THRB: variants seen among roughly 807,000 people sequenced by gnomAD.
THRB encodes the protein nuclear receptor subfamily 1 group A member 2.
A neutral mutation model predicts 47.8 loss-of-function variants in THRB; 12 were observed. The ratio of observed to expected loss-of-function variants is 0.25; its 90% CI spans 0.16 to 0.41. The LOEUF is 0.41. THRB is among the 10% of genes least tolerant of loss of function. The probability of loss-of-function intolerance (pLI) is 1.00; values close to 1 mark genes in which losing one functional copy is unlikely to be tolerated. For missense variants in THRB, 348 were observed against 589.2 expected, an observed-to-expected ratio of 0.59 and a Z score of 4.24; for synonymous variants, 218 against 212.2, an observed-to-expected ratio of 1.03 and a Z score of -0.24.
At chr3:24,330,119 C>A (rs1045371984) in intron 2 of THRB, among the ~76,000 whole-genome samples, 2 of 151,884 alleles carry the variant, frequency 1.3e-5, no homozygotes, top group Non-Finnish European at 2.9e-5. Flanking sequence ...TCCTGGCTAA[C>A]AAGGTGAAAC....
chr3:24,270,487 G>C (rs1351199460), intron 3 of THRB, among the ~76,000 whole-genome samples: 1 of 152,168 alleles, frequency 6.6e-6, no homozygotes, highest in Non-Finnish European at 1.5e-5. Flanking sequence ...GCAGGCTTAG[G>C]TGCTAACATT....
At chr3:24,178,029 G>A (rs182129841) in intron 5 of THRB, among the ~76,000 whole-genome samples, 15 of 151,774 alleles carry the variant, frequency 9.9e-5, no homozygotes, top group South Asian at 8.9e-4. Flanking sequence ...ATCATCCTAT[G>A]GGTCCAACCT....
At chr3:24,156,676 C>G (rs984052346) in intron 5 of THRB, among the ~76,000 whole-genome samples, 2 of 152,170 alleles carry the variant, frequency 1.3e-5, no homozygotes, top group African/African-American at 2.4e-5. Flanking sequence ...AACTCAGAGC[C>G]AGTAGGTATC....
chr3:24,194,861 G>T (rs115963375), intron 4 of THRB, among the ~76,000 whole-genome samples: 1 of 152,320 alleles, frequency 6.6e-6, no homozygotes, highest in African/African-American at 2.4e-5. Flanking sequence ...AAAGGAAATA[G>T]GATTATGACA....
chr3:24,137,697 A>G (rs1170957965), intron 8 of THRB, among the ~76,000 whole-genome samples: 1 of 152,170 alleles, frequency 6.6e-6, no homozygotes, highest in Admixed American at 6.5e-5. Flanking sequence ...TAGACCATAG[A>G]AAGGAGATGG....
chr3:24,372,893 T>C (rs534028315), intron 1 of THRB, among the ~76,000 whole-genome samples: 2 of 152,120 alleles, frequency 1.3e-5, no homozygotes, highest in South Asian at 4.1e-4. Context: ...TGAGAAGCAA[T>C]ATAGAATATC....
intron 1 of THRB, among the ~76,000 whole-genome samples, chr3:24,437,330 A>G (rs2071072528): frequency 6.6e-6 from 1 of 152,054 alleles, no homozygotes; most frequent in African/African-American, 2.4e-5. Flanking sequence ...GGGAGTTACA[A>G]AAGTGTATCT....
chr3:24,158,310 AT>A (rs1344101074), intron 5 of THRB, among the ~76,000 whole-genome samples: 1 of 151,500 alleles, frequency 6.6e-6, no homozygotes, highest in Non-Finnish European at 1.5e-5. Context: ...ATCAGTTGCT[AT>A]TTATTTTTGT....
intron 1 of THRB, among the ~76,000 whole-genome samples, chr3:24,353,590 C>CA (rs1281787264): frequency 1.3e-5 from 2 of 152,016 alleles, no homozygotes; most frequent in Non-Finnish European, 2.9e-5. Flanking sequence ...TGGATATCAC[C>CA]AAAGGCTCAG....
In THRB at chr3:24,226,759, G is replaced by A. The variant is rs2047696113; in HGVS notation, c.22+2179C>T. 2.0e-5 allele frequency among the ~76,000 whole-genome samples: 3 copies of A among 152,174 alleles called. No individual in the cohort carries two copies. The South Asian group carries it at 6.2e-4, about 32-fold the overall frequency. On this transcript the variant is annotated intron_variant, in intron 4 of 10. Coordinates refer to ENST00000646209, the MANE Select transcript of THRB (RefSeq NM_001354712.2). ...TGGACCACCCTGGGCTCTAGAACAA[G>A]GGTCCACAAAGTATGGGCCAAAGCT...
In THRB at chr3:24,242,895, C is replaced by T. The variant is rs1194771947; in HGVS notation, c.-42-13894G>A. ...GTCTGCAGCACCAGTCCTGCCACTGCTATAGCAGCAAGATTTTTGGCTGCC... is the reference window on the plus strand; with the variant it reads ...GTCTGCAGCACCAGTCCTGCCACTGTTATAGCAGCAAGATTTTTGGCTGCC... On this transcript the variant is annotated intron_variant, in intron 3 of 10. Coordinates refer to ENST00000646209, the MANE Select transcript of THRB (RefSeq NM_001354712.2). Among the ~76,000 whole-genome samples the T allele has an allele frequency of 2.6e-5, 4 of 152,108 alleles. No individual in the cohort carries two copies. The East Asian group carries it at 7.8e-4, about 29-fold the overall frequency.
intron 6 of THRB, 93 bp from the exon 7 acceptor site, chr3:24,146,915 T>C: frequency 1.7e-6 from 2 of 1,162,310 alleles, no homozygotes; most frequent in Admixed American, 1.7e-5. Flanking sequence ...ATGAGATGAA[T>C]CGTTTTGGAC....
At chr3:24,306,351 C>T (rs530662697) in intron 2 of THRB, among the ~76,000 whole-genome samples, 16 of 152,204 alleles carry the variant, frequency 1.1e-4, no homozygotes, top group Non-Finnish European at 2.4e-4. Flanking sequence ...AATCTGTCAA[C>T]AGTGTGGTCT....
intron 1 of THRB, among the ~76,000 whole-genome samples, chr3:24,377,179 A>C (rs1358557841): frequency 1.3e-5 from 2 of 152,070 alleles, no homozygotes; most frequent in African/African-American, 4.8e-5. Flanking sequence ...TCCTGGGCTC[A>C]AGTGATCCTC....
intron 1 of THRB, among the ~76,000 whole-genome samples, chr3:24,395,247 G>A (rs537398053): frequency 6.6e-6 from 1 of 152,062 alleles, no homozygotes; most frequent in South Asian, 2.1e-4. Context: ...AGAAGCACAA[G>A]CAACAAAGAA....
intron 1 of THRB, among the ~76,000 whole-genome samples, chr3:24,439,449 T>G (rs1215786526): frequency 6.6e-6 from 1 of 152,172 alleles, no homozygotes; most frequent in Non-Finnish European, 1.5e-5. Flanking sequence ...TGGGATCTGT[T>G]GTATTATCCC....
At chr3:24,144,070 C>T (rs928509292) in intron 7 of THRB, 11 of 284,680 alleles carry the variant, frequency 3.9e-5, no homozygotes, top group South Asian at 9.5e-5. Flanking sequence ...GCCAGTCATC[C>T]GAATTCACTC....
At chr3:24,214,424 A>C (rs1020087001) in intron 4 of THRB, among the ~76,000 whole-genome samples, 5 of 152,236 alleles carry the variant, frequency 3.3e-5, no homozygotes, top group African/African-American at 1.2e-4. Flanking sequence ...AGAGAGGAAA[A>C]AATAGGCAGG....
chr3:24,439,940 T>A (rs1464260354), intron 1 of THRB, among the ~76,000 whole-genome samples: 1 of 152,224 alleles, frequency 6.6e-6, no homozygotes, highest in Non-Finnish European at 1.5e-5. Context: ...CCAGGAGTCA[T>A]GTGACCCACA....
Sources: allele counts gnomAD v4.1 joint callset (sites outside exome capture counted in the v4.1 genomes callset), GRCh38; gene constraint gnomAD v4.1.1; transcripts MANE v1.5; gene names NCBI Gene and HGNC (gene_info 2026-07-23, HGNC 2026-07-21).